EPB41L4A: variants seen among roughly 807,000 people sequenced by gnomAD.
The protein encoded by EPB41L4A is erythrocyte membrane protein band 4.1 like 4A.
Under a neutral mutation model 108.6 loss-of-function variants are expected in EPB41L4A, and 100 were observed. The observed-to-expected ratio is 0.92, with a 90% CI of 0.78 to 1.09. The LOEUF (loss-of-function observed/expected upper bound fraction) is 1.09. Among genes scored for constraint, EPB41L4A ranks in the 50% least tolerant of loss-of-function variants. The pLI is 0.00. For missense variants in EPB41L4A, 1,030 were observed against 842.7 expected (o/e 1.22, Z -2.75); for synonymous variants, 319 against 289.0 (o/e 1.10, Z -1.05).
chr5:112,210,260 T>A (rs890758), intron 12 of EPB41L4A: 163,043 of 237,120 alleles, frequency 0.69, 56,983 homozygotes, highest in East Asian at 0.99. Context: ...AAAATAACAT[T>A]CACTTTAGAC....
chr5:112,150,917 G>A (rs562177831), intron 12 of EPB41L4A, among the ~76,000 whole-genome samples: 49 of 152,286 alleles, frequency 3.2e-4, no homozygotes, highest in African/African-American at 1.2e-3. Context: ...TTTAGCATGA[G>A]TAGACCCTCA....
downstream of EPB41L4A, chr5:112,161,720 G>A (rs762947043): frequency 8.1e-5 from 38 of 471,600 alleles, no homozygotes; most frequent in East Asian, 3.3e-4. Flanking sequence ...ATGGATGCCT[G>A]AAGTGTAGAC....
At chr5:112,308,360 G>A (rs562243735) in intron 1 of EPB41L4A, among the ~76,000 whole-genome samples, 5 of 152,228 alleles carry the variant, frequency 3.3e-5, no homozygotes, top group East Asian at 3.9e-4. Context: ...GCCAGGATGC[G>A]TTTATCCACA....
intron 1 of EPB41L4A, among the ~76,000 whole-genome samples, chr5:112,371,157 T>G (rs1759469031): frequency 6.6e-6 from 1 of 152,200 alleles, no homozygotes; most frequent in African/African-American, 2.4e-5. Flanking sequence ...GTGTATACCC[T>G]TGTGTGTGTA....
intron 12 of EPB41L4A, chr5:112,228,667 C>A (rs758185989): frequency 2.2e-4 from 220 of 979,504 alleles, no homozygotes; most frequent in Non-Finnish European, 2.6e-4. Flanking sequence ...TCATTGCCTA[C>A]TTACAGCAGA....
intron 17 of EPB41L4A, among the ~76,000 whole-genome samples, chr5:112,191,271 C>T (rs1012763490): frequency 1.3e-5 from 2 of 152,090 alleles, no homozygotes; most frequent in Non-Finnish European, 2.9e-5. Context: ...TAGGATGAAG[C>T]CCTACAGTTA....
chr5:112,202,877 TG>T (rs1762284652), intron 15 of EPB41L4A, among the ~76,000 whole-genome samples: 1 of 152,142 alleles, frequency 6.6e-6, no homozygotes, highest in Non-Finnish European at 1.5e-5. Flanking sequence ...GATGGTTACC[TG>T]ACATCATGAA....
At chr5:112,188,767 G>A (rs1012274742) in intron 17 of EPB41L4A, among the ~76,000 whole-genome samples, 1 of 152,054 alleles carries the variant, frequency 6.6e-6, no homozygotes, top group Non-Finnish European at 1.5e-5. Context: ...GCAAGGAAGC[G>A]GTTACCTATT....
chr5:112,262,595 A>G lies in EPB41L4A; in HGVS notation c.555-14T>C. ...GGAATCTGACCCCTACACCCAGCAC[A>G]AAAACAAAGAGCCTTATTTTACAGC... On this transcript the variant is annotated splice_polypyrimidine_tract_variant and intron_variant, in intron 6 of 22. Transcript: ENST00000261486. 1.2e-6 allele frequency: 2 copies of G among 1,609,382 alleles called. No homozygotes were observed. Among genetic ancestry groups the G allele is most frequent in the Non-Finnish European group, 1.7e-6 (2 of 1,176,770 alleles).
chr5:112,153,338 A>G (rs1338876205), intron 12 of EPB41L4A, among the ~76,000 whole-genome samples: 3 of 151,896 alleles, frequency 2.0e-5, no homozygotes, highest in Non-Finnish European at 4.4e-5. Flanking sequence ...ATCCTGGCCA[A>G]CCAACATGGC....
chr5:112,184,128 G>T lies in EPB41L4A; in HGVS notation c.1510C>A (p.Gln504Lys), dbSNP rs1761306853. The T allele has an allele frequency of 1.2e-6, 2 of 1,613,746 alleles. No individual in the cohort carries two copies. Among genetic ancestry groups the T allele is most frequent in the African/African-American group, 2.7e-5 (2 of 74,986 alleles). Residue 504 changes from glutamine (Q) to lysine (K), a missense_variant, in exon 18 of 23, where the codon CAG (glutamine) becomes AAG (lysine). Transcript: ENST00000261486. ...GCTGAATCAACCATATCATTCTCCTGCCGTATTCTGAAAGGAAAGCCATGC... is the reference window on the plus strand; with the variant it reads ...GCTGAATCAACCATATCATTCTCCTTCCGTATTCTGAAAGGAAAGCCATGC... Reference protein sequence around the residue: ...EYRKKRNRIRQENDMVDSAPQ... With the variant: ...EYRKKRNRIRKENDMVDSAPQ...
chr5:112,351,402 C>A (rs7711318), intron 1 of EPB41L4A, among the ~76,000 whole-genome samples: 87 of 152,046 alleles, frequency 5.7e-4, no homozygotes, highest in Non-Finnish European at 7.2e-4. Context: ...CGTACAACCC[C>A]CCAAGACTGA....
intron 1 of EPB41L4A, among the ~76,000 whole-genome samples, chr5:112,379,430 C>G (rs551771696): frequency 4.6e-5 from 7 of 152,196 alleles, no homozygotes; most frequent in African/African-American, 1.7e-4. Flanking sequence ...TTCCTAAGGG[C>G]AGATTTTGAT....
At chr5:112,352,143 T>C (rs1414470464) in intron 1 of EPB41L4A, among the ~76,000 whole-genome samples, 1 of 152,238 alleles carries the variant, frequency 6.6e-6, no homozygotes, top group Non-Finnish European at 1.5e-5. Context: ...ACTTCTGCTC[T>C]GATCTTTCTT....
chr5:112,227,003 A>G (rs1748506419), intron 12 of EPB41L4A, among the ~76,000 whole-genome samples: 1 of 148,132 alleles, frequency 6.8e-6, no homozygotes. Context: ...AAAGGCTTGG[A>G]CTAAATGCTA....
chr5:112,292,586 A>C (rs1753719294), intron 2 of EPB41L4A, among the ~76,000 whole-genome samples: 1 of 152,208 alleles, frequency 6.6e-6, no homozygotes, highest in Non-Finnish European at 1.5e-5. Flanking sequence ...ATGATAGACA[A>C]ACTAGTCACT....
intron 18 of EPB41L4A, among the ~76,000 whole-genome samples, chr5:112,182,797 T>C (rs1010659914): frequency 7.9e-6 from 1 of 125,882 alleles, no homozygotes; most frequent in Admixed American, 8.5e-5. Context: ...TCCTTTTTTT[T>C]TTAATGGAGT....
chr5:112,378,657 T>C (rs890732154), intron 1 of EPB41L4A, among the ~76,000 whole-genome samples: 12 of 152,294 alleles, frequency 7.9e-5, no homozygotes, highest in Middle Eastern at 3.4e-3. Flanking sequence ...ACTCCAGAAG[T>C]CATCCTTATT....
intron 1 of EPB41L4A, among the ~76,000 whole-genome samples, chr5:112,417,345 C>G (rs957918794): frequency 6.6e-6 from 1 of 152,220 alleles, no homozygotes; most frequent in African/African-American, 2.4e-5. Context: ...AGCTCACATT[C>G]CAGATGACTT....
Sources: gnomAD v4.1 joint callset for allele counts (sites outside exome capture counted in the v4.1 genomes callset) on GRCh38, gnomAD v4.1.1 for gene constraint, MANE v1.5 for transcripts, NCBI Gene and HGNC (gene_info 2026-07-23, HGNC 2026-07-21) for gene names.